Variants in MYRIP observed in about 807,000 individuals in gnomAD.
The protein encoded by MYRIP is myosin VIIA and Rab interacting protein.
A neutral mutation model predicts 98.0 loss-of-function variants in MYRIP; 49 were observed. That is an observed-to-expected ratio of 0.50 (90% confidence interval 0.40 to 0.63). The LOEUF is 0.63. Among genes scored for constraint, MYRIP ranks in the 30% least tolerant of loss-of-function variants. MYRIP has a pLI of 0.00. For missense variants in MYRIP, 1,004 were observed against 1,058.2 expected (o/e 0.95, Z 0.71); for synonymous variants, 404 against 409.5 (o/e 0.99, Z 0.16).
chr3:40,249,945 T>A (rs1183783406), intron 13 of MYRIP, among the ~76,000 whole-genome samples: 2 of 152,092 alleles, frequency 1.3e-5, no homozygotes, highest in African/African-American at 4.8e-5. Flanking sequence ...CCCCATCGTG[T>A]CCCCAGGCTT....
intron 10 of MYRIP, among the ~76,000 whole-genome samples, chr3:40,205,551 T>C (rs1050618676): frequency 2.9e-4 from 44 of 152,334 alleles, no homozygotes; most frequent in African/African-American, 1.0e-3. Context: ...CAAGCAACTC[T>C]GATTTTCAGA....
At chr3:40,143,083 C>A (rs1949940448) in intron 3 of MYRIP, among the ~76,000 whole-genome samples, 1 of 152,228 alleles carries the variant, frequency 6.6e-6, no homozygotes, top group Admixed American at 6.5e-5. Context: ...CCTGACTCAT[C>A]TAGCACTCTT....
At chr3:40,026,325 A>T (rs1165434729) in intron 2 of MYRIP, among the ~76,000 whole-genome samples, 1 of 152,086 alleles carries the variant, frequency 6.6e-6, no homozygotes, top group East Asian at 1.9e-4. Flanking sequence ...CTTGTTCCCT[A>T]AAATCGCTGT....
intron 16 of MYRIP, among the ~76,000 whole-genome samples, chr3:40,257,014 G>C (rs1390667370): frequency 6.6e-6 from 1 of 152,172 alleles, no homozygotes; most frequent in Non-Finnish European, 1.5e-5. Context: ...GCCAATTAAA[G>C]AGAAGTGCAT....
At chr3:40,072,834 A>G (rs200588056) in intron 3 of MYRIP, among the ~76,000 whole-genome samples, 1 of 5,714 alleles carries the variant, frequency 1.8e-4, no homozygotes, top group Non-Finnish European at 5.9e-4. Context: ...GTTCTTTTTT[A>G]AAAAAAAATG....
intron 11 of MYRIP, among the ~76,000 whole-genome samples, chr3:40,213,200 A>G (rs558231231): frequency 2.1e-4 from 32 of 152,228 alleles, no homozygotes; most frequent in African/African-American, 7.7e-4. Context: ...TTTTTAATTG[A>G]TCCCTAGGAC....
At chr3:40,132,272 T>C (rs1473088288) in intron 3 of MYRIP, among the ~76,000 whole-genome samples, 1 of 152,138 alleles carries the variant, frequency 6.6e-6, no homozygotes, top group Non-Finnish European at 1.5e-5. Flanking sequence ...TAGAACTTAG[T>C]TACAGAAGAG....
At chr3:40,153,302 T>G (rs1017384884) in intron 4 of MYRIP, among the ~76,000 whole-genome samples, 3 of 152,122 alleles carry the variant, frequency 2.0e-5, no homozygotes, top group Admixed American at 2.0e-4. Context: ...AACAACGAGA[T>G]CTATTCTACA....
intron 2 of MYRIP, among the ~76,000 whole-genome samples, chr3:39,941,467 A>T (rs1030675615): frequency 1.3e-5 from 2 of 151,836 alleles, no homozygotes; most frequent in South Asian, 4.2e-4. Context: ...TATCGGGAGG[A>T]AATACAGTCT....
chr3:40,197,366 T>C (rs986134990), intron 10 of MYRIP, among the ~76,000 whole-genome samples: 1 of 152,114 alleles, frequency 6.6e-6, no homozygotes, highest in Non-Finnish European at 1.5e-5. Context: ...CCAGTACCAG[T>C]CCATGGCCCC....
At chr3:40,034,774 G>A (rs993658532) in intron 2 of MYRIP, among the ~76,000 whole-genome samples, 9 of 151,926 alleles carry the variant, frequency 5.9e-5, no homozygotes, top group African/African-American at 1.9e-4. Flanking sequence ...ACATGCACAC[G>A]TATGTTTGTT....
chr3:39,832,267 TG>T (rs1941473373), intron 1 of MYRIP, among the ~76,000 whole-genome samples: 1 of 152,252 alleles, frequency 6.6e-6, no homozygotes, highest in Non-Finnish European at 1.5e-5. Flanking sequence ...TCTCCAAATT[TG>T]TTAAAGAACT....
chr3:40,216,253 G>A (rs761471603), intron 11 of MYRIP, among the ~76,000 whole-genome samples: 2 of 152,172 alleles, frequency 1.3e-5, no homozygotes, highest in African/African-American at 4.8e-5. Flanking sequence ...AAGAAAGGCA[G>A]AGTTACTCCA....
intron 2 of MYRIP, among the ~76,000 whole-genome samples, chr3:40,033,224 A>G (rs1400178664): frequency 7.0e-6 from 1 of 143,668 alleles, no homozygotes; most frequent in Non-Finnish European, 1.6e-5. Context: ...GGCCAGGGCA[A>G]TTAGCCAGGA....
intron 2 of MYRIP, among the ~76,000 whole-genome samples, chr3:39,921,889 A>T (rs1198391228): frequency 2.6e-5 from 4 of 151,668 alleles, no homozygotes; most frequent in African/African-American, 9.7e-5. Context: ...CTCAAAAAAA[A>T]AAAAAAAAAA....
At chr3:40,104,690 C>T (rs952668552) in intron 3 of MYRIP, among the ~76,000 whole-genome samples, 1 of 152,178 alleles carries the variant, frequency 6.6e-6, no homozygotes, top group Non-Finnish European at 1.5e-5. Flanking sequence ...GGTGCACTTC[C>T]GTCTGAGTTA....
intron 1 of MYRIP, among the ~76,000 whole-genome samples, chr3:39,872,167 G>C (rs1304917693): frequency 6.6e-6 from 1 of 151,866 alleles, no homozygotes; most frequent in East Asian, 1.9e-4. Flanking sequence ...TAGTGCTTCT[G>C]ATTATAAAGT....
intron 2 of MYRIP, among the ~76,000 whole-genome samples, chr3:39,989,474 C>T (rs1399062162): frequency 1.3e-5 from 2 of 152,184 alleles, no homozygotes; most frequent in Non-Finnish European, 2.9e-5. Flanking sequence ...CTGACAACCC[C>T]TGTTGGAAGA....
intron 1 of MYRIP, among the ~76,000 whole-genome samples, chr3:39,879,298 G>A (rs1013033163): frequency 1.3e-5 from 2 of 151,114 alleles, no homozygotes; most frequent in Admixed American, 6.6e-5. Context: ...GGTCTTATTT[G>A]TTTGTCTTAT....
Sources: allele counts gnomAD v4.1 joint callset (sites outside exome capture counted in the v4.1 genomes callset), GRCh38; gene constraint gnomAD v4.1.1; transcripts MANE v1.5; gene names NCBI Gene and HGNC (gene_info 2026-07-23, HGNC 2026-07-21).